The following SERPINA7 variants were observed in gnomAD, a reference collection of about 807,000 sequenced individuals.
The protein encoded by SERPINA7 is serpin family A member 7, also known as thyroxine-binding globulin.
A neutral mutation model predicts 16.0 loss-of-function variants in SERPINA7; 14 were observed. The observed-to-expected ratio is 0.88, with a 90% CI of 0.58 to 1.37. SERPINA7 has a LOEUF of 1.37. Among genes scored for constraint, SERPINA7 ranks in the 40% most tolerant of loss-of-function variants. The probability of loss-of-function intolerance (pLI) is 0.00; values close to 1 mark genes in which losing one functional copy is unlikely to be tolerated. For missense variants in SERPINA7, 335 were observed against 296.6 expected (o/e 1.13, Z -0.95); for synonymous variants, 140 against 111.0 (o/e 1.26, Z -1.65).
intron 1 of SERPINA7, chrX:106,037,352 G>A (rs1202116701): frequency 3.3e-6 from 1 of 299,513 alleles, no homozygotes; most frequent in African/African-American, 2.7e-5. Flanking sequence ...AAAACGCTGT[G>A]AGTAAATTAA....
At chrX:106,034,760 A>G in intron 3 of SERPINA7, among the ~76,000 whole-genome samples, 1 of 111,794 alleles carries the variant, frequency 8.9e-6, no homozygotes, top group Non-Finnish European at 1.9e-5. Context: ...ACCTTTCAAC[A>G]TCAAAATCCA....
intron 3 of SERPINA7, among the ~76,000 whole-genome samples, chrX:106,034,603 G>A (rs773401369): frequency 1.3e-4 from 15 of 112,310 alleles, no homozygotes; most frequent in Non-Finnish European, 2.8e-4. Context: ...TGGGAGTAGG[G>A]AGATGTAACT....
chrX:106,037,399 A>G (rs763531771), intron 1 of SERPINA7: 1 of 230,355 alleles, frequency 4.3e-6, no homozygotes, highest in South Asian at 8.0e-5. Context: ...TCTGAACTAG[A>G]GGCAGCCTTT....
rs190003354 is a variant in SERPINA7, at chrX:106,036,987, T to G, written c.72A>C (p.Glu24Asp). ...LHATIHCASP[E>D]GKVTACHSSQ... ...ATGAATGGCAGGCTGTTACTTTGCC[T>G]TCAGGTGATGCACAGTGGATTGTAG... Residue 24 changes from glutamate to aspartate, a missense_variant, in exon 2 of 5, where the codon GAA becomes GAC. Transcript: ENST00000372563. 3.2e-5 allele frequency: 39 copies of G among 1,208,007 alleles called. No homozygotes were observed. In the Middle Eastern group the frequency reaches 6.9e-4, roughly 21 times the overall value.
chrX:106,035,295 A>G lies in SERPINA7; in HGVS notation c.713T>C (p.Met238Thr). Residue 238 changes from methionine to threonine, a missense_variant, in exon 3 of 5, where the codon ATG becomes ACG. By Grantham distance (81) the Met-to-Thr change is moderately conservative. Coordinates refer to ENST00000372563, the MANE Select transcript of SERPINA7 (RefSeq NM_000354.6). ...GTGATAGTATTGTTCCATCTGGTGCATCATGGGCACTTGAACAGTGGTGGT... is the reference window on the plus strand; with the variant it reads ...GTGATAGTATTGTTCCATCTGGTGCGTCATGGGCACTTGAACAGTGGTGGT... Reference protein sequence around the residue: ...DKTTTVQVPMMHQMEQYYHLV... With the variant: ...DKTTTVQVPMTHQMEQYYHLV... 3.3e-6 allele frequency: 4 copies of G among 1,210,782 alleles called. No individual in the cohort carries two copies. Among genetic ancestry groups the G allele is most frequent in the Non-Finnish European group, 4.5e-6 (4 of 894,451 alleles).
chrX:106,034,496 A>G, intron 3 of SERPINA7, 114 bp from the exon 4 acceptor site: 2 of 673,409 alleles, frequency 3.0e-6, no homozygotes, highest in South Asian at 2.4e-5. Flanking sequence ...CTGAGTATTG[A>G]TAACCATTAC....
At chrX:106,037,693 C>T (rs746952622) in intron 1 of SERPINA7, among the ~76,000 whole-genome samples, 119 of 111,285 alleles carry the variant, frequency 1.1e-3, no homozygotes, top group African/African-American at 3.2e-3. Flanking sequence ...GAGGTATTTT[C>T]GAACAACCAG....
At position 106,037,014 on chromosome X, in the gene SERPINA7, A is replaced by C; in HGVS notation, c.45T>G (p.His15Gln). The C allele has an allele frequency of 8.3e-7, 1 of 1,209,450 alleles. No homozygotes were observed. Among genetic ancestry groups the C allele is most frequent in the Non-Finnish European group, 1.1e-6 (1 of 893,795 alleles). ...CAGGTGATGCACAGTGGATTGTAGC[A>C]TGAAGCCCAAGTACCAAGAGAACCA... Reference protein sequence around the residue: ...LYLVLLVLGLHATIHCASPEG... With the variant: ...LYLVLLVLGLQATIHCASPEG... The change falls in exon 2 of 5, where the codon CAT becomes CAG. Residue 15 changes from histidine (H) to glutamine (Q), a missense_variant. By Grantham distance (24) the His-to-Gln change is conservative (BLOSUM62 0). Transcript: ENST00000372563.
Position 106,036,615 on chromosome X carries a change from A to G in SERPINA7, c.444T>C (p.Asn148=). The part of the protein sequence containing the change: ...KHLKPLAKFL[N]DVKTLYETEV... ...CAGTCTCATAGAGGGTCTTGACATCATTCAAGAACTTTGCCAGTGGTTTCA... is the reference window on the plus strand; with the variant it reads ...CAGTCTCATAGAGGGTCTTGACATCGTTCAAGAACTTTGCCAGTGGTTTCA... The change falls in exon 2 of 5, where the codon AAT becomes AAC. Residue 148 remains asparagine, a synonymous_variant. Transcript: ENST00000372563. 8.3e-7 allele frequency: 1 copy of G among 1,209,922 alleles called. No homozygotes were observed. Among genetic ancestry groups the G allele is most frequent in the Non-Finnish European group, 1.1e-6 (1 of 894,057 alleles).
At chrX:106,038,412 C>T (rs1362349273) in intron 1 of SERPINA7, among the ~76,000 whole-genome samples, 1 of 111,456 alleles carries the variant, frequency 9.0e-6, no homozygotes, top group Non-Finnish European at 1.9e-5. Context: ...CAGTTCATGG[C>T]CTGAGCTACT....
In SERPINA7 at chrX:106,036,192, T is replaced by C. The variant is rs2041447774; in HGVS notation, c.622+245A>G. Among the ~76,000 whole-genome samples the C allele has an allele frequency of 4.5e-5, 5 of 112,085 alleles. No homozygotes were observed. In the South Asian group the frequency reaches 1.9e-3, roughly 42 times the overall value. The stretch of plus-strand genomic sequence containing the variant: ...AATCTTTAGCCAATTATGAGCAAGA[T>C]GTTCATACCATTGTCACCCACCTCT... On this transcript the variant is annotated intron_variant, in intron 2 of 4. Transcript: ENST00000372563.
chrX:106,033,257 G>A lies in SERPINA7; in HGVS notation c.*243C>T, dbSNP rs1421166005. 3 of 399,981 alleles carry A rather than the reference G, an allele frequency of 7.5e-6. No homozygotes were observed. The highest frequency in any genetic ancestry group is 1.3e-5 in the Non-Finnish European group (3 of 229,417). The allele number at this position is 399,981 out of a possible 1,213,427, so 33.0% of individuals were successfully genotyped here. A position where few individuals can be genotyped will look rare whatever the true frequency, so the allele number is the denominator to read the frequency against. ...ATGAGTTGAGGGGTATTCTGACAAA[G>A]AGAAATATACAAACATAGAGCCTTC... On this transcript the variant is annotated 3_prime_UTR_variant, in exon 5 of 5. Transcript: ENST00000372563.
In SERPINA7 at chrX:106,034,227, C is replaced by A. The variant is rs745448197; in HGVS notation, c.1044+8G>T. The A allele has an allele frequency of 3.3e-6, 4 of 1,206,817 alleles. No individual in the cohort carries two copies. In the East Asian group the frequency reaches 1.2e-4, roughly 36 times the overall value. On this transcript the variant is annotated splice_region_variant and intron_variant, in intron 4 of 4. Transcript: ENST00000372563. ...CATACATTTAAGAACTCTAGTTTAT[C>A]AACTTACATTGGAAAGTTTCAGACC...
At chrX:106,036,363 G>T in intron 2 of SERPINA7, 74 bp downstream of exon 2, 1 of 1,090,677 alleles carries the variant, frequency 9.2e-7, no homozygotes. Context: ...AGTAATAAGA[G>T]ACCATGAGCT....
At chrX:106,034,105 T>C (rs1448063296) in intron 4 of SERPINA7, 130 bp downstream of exon 4, 4 of 630,926 alleles carry the variant, frequency 6.3e-6, no homozygotes, top group East Asian at 7.1e-5. Context: ...GGAGTGATTC[T>C]AGCTTAGGAG....
At chrX:106,038,536 A>G (rs754876069) in intron 1 of SERPINA7, among the ~76,000 whole-genome samples, 162 bp downstream of exon 1, 1 of 110,914 alleles carries the variant, frequency 9.0e-6, no homozygotes, top group South Asian at 3.9e-4. Flanking sequence ...TTTAAAAGTC[A>G]CTGAGGCTGG....
intron 3 of SERPINA7, among the ~76,000 whole-genome samples, 157 bp downstream of exon 3, chrX:106,034,954 AG>A (rs2041437079): frequency 8.9e-6 from 1 of 112,041 alleles, no homozygotes. Context: ...TGCCCAGCCA[AG>A]GGCCTGGTAG....
At position 106,033,384 on chromosome X, in the gene SERPINA7, T is replaced by G; in HGVS notation, c.*116A>C. On this transcript the variant is annotated 3_prime_UTR_variant, in exon 5 of 5. Coordinates refer to ENST00000372563, the MANE Select transcript of SERPINA7 (RefSeq NM_000354.6). ...ACAAAGTTCAGCCAGGGTTCAATCT[T>G]CATCCCATCATAAGGGAATGCAAGT... The G allele has an allele frequency of 1.1e-6, 1 of 928,964 alleles. No individual in the cohort carries two copies. The highest frequency in any genetic ancestry group is 1.6e-6 in the Non-Finnish European group (1 of 641,291). The allele number at this position is 928,964 out of a possible 1,213,427, so 76.6% of individuals were successfully genotyped here.
At chrX:106,038,159 A>T (rs893701759) in intron 1 of SERPINA7, among the ~76,000 whole-genome samples, 2 of 110,755 alleles carry the variant, frequency 1.8e-5, no homozygotes, top group African/African-American at 6.6e-5. Context: ...GAAAATCTCA[A>T]AGTTGCCAGA....
Sources: allele counts gnomAD v4.1 joint callset (sites outside exome capture counted in the v4.1 genomes callset), GRCh38; gene constraint gnomAD v4.1.1; transcripts MANE v1.5; gene names NCBI Gene and HGNC (gene_info 2026-07-23, HGNC 2026-07-21).